The following MN1 variants were observed in gnomAD, a reference collection of about 807,000 sequenced individuals.
MN1 encodes the protein MN1 proto-oncogene, transcriptional regulator, also known as transcriptional activator MN1.
In MN1, 19 loss-of-function variants were observed where a neutral mutation model predicts 86.9. The observed-to-expected ratio is 0.22, with a 90% CI of 0.15 to 0.32. The LOEUF (loss-of-function observed/expected upper bound fraction) is 0.32, where lower values mean the gene tolerates loss of function less well. MN1 is among the 10% of genes least tolerant of loss of function. The pLI, the probability that MN1 is intolerant of heterozygous loss-of-function variation, is 1.00. For synonymous variants in MN1, 928 were observed against 849.6 expected (o/e 1.09, Z -1.60); for missense variants, 1,841 against 1,862.0 (o/e 0.99, Z 0.21).
At chr22:27,795,065 G>C (rs553448477) in intron 1 of MN1, among the ~76,000 whole-genome samples, 232 of 145,872 alleles carry the variant, frequency 1.6e-3, no homozygotes, top group Non-Finnish European at 2.8e-3. Context: ...TTTTAAAAAG[G>C]GGGGGAAAAA....
intron 1 of MN1, among the ~76,000 whole-genome samples, chr22:27,775,396 C>T (rs1337950244): frequency 6.6e-6 from 1 of 152,158 alleles, no homozygotes; most frequent in African/African-American, 2.4e-5. Context: ...AGATGGGCCT[C>T]GCGTCCACTC....
Position 27,799,579 on chromosome 22 carries a change from T to G in MN1, c.965A>C (p.Lys322Thr), listed in dbSNP as rs776797040. ...VFFERFSGAR[K>T]MPVGLEPSVG... ...TGAGGGCTCCAGACCCACAGGCATC[T>G]TTCTGGCCCCACTGAACCTCTCAAA... is the stretch of plus-strand genomic sequence containing the variant. Residue 322 changes from lysine (K) to threonine (T), a missense_variant, in exon 1 of 2, where the codon AAG becomes ACG. Lys to Thr is a moderately conservative substitution (Grantham distance 78). Coordinates refer to ENST00000302326, the MANE Select transcript of MN1 (RefSeq NM_002430.3). 1.5e-5 allele frequency: 22 copies of G among 1,507,124 alleles called. No individual in the cohort carries two copies. The highest frequency in any genetic ancestry group is 1.9e-5 in the Non-Finnish European group (21 of 1,125,328). 93.4% of individuals were successfully genotyped at this position (1,507,124 alleles called of 1,614,324 possible).
chr22:27,749,523 C>G lies in MN1; in HGVS notation c.*1392G>C. 1 of 232,468 alleles carries G rather than the reference C, an allele frequency of 4.3e-6. No individual in the cohort carries two copies. The highest frequency in any genetic ancestry group is 1.8e-4 in the South Asian group (1 of 5,522). The allele number at this position is 232,468 out of a possible 1,614,324, so 14.4% of individuals were successfully genotyped here. A position where few individuals can be genotyped will look rare whatever the true frequency, so the allele number is the denominator to read the frequency against. ...ATGGCTTTTGCAGGCATCAGCAGCACCCAAAGTTGCCTGCCCCTGCCAACC... is the reference window on the plus strand; with the variant it reads ...ATGGCTTTTGCAGGCATCAGCAGCAGCCAAAGTTGCCTGCCCCTGCCAACC... On this transcript the variant is annotated 3_prime_UTR_variant, in exon 2 of 2. Transcript: ENST00000302326.
chr22:27,796,085 A>G (rs1933289753), intron 1 of MN1, among the ~76,000 whole-genome samples: 1 of 152,074 alleles, frequency 6.6e-6, no homozygotes, highest in Non-Finnish European at 1.5e-5. Context: ...CCAAATGTCA[A>G]GGGGATGCGC....
chr22:27,800,648 C>CGCTCAGCACCGCGGGG lies in MN1; in HGVS notation c.-121_-106dup. 6.5e-7 allele frequency: 1 copy of CGCTCAGCACCGCGGGG among 1,535,060 alleles called. No homozygotes were observed. The highest frequency in any genetic ancestry group is 8.8e-7 in the Non-Finnish European group (1 of 1,140,490). ...CAGCCCAGGATTGGGCGCTCCGGGA[C>CGCTCAGCACCGCGGGG]GCTCAGCACCGCGGGGGCTCAGCGC... On this transcript the variant is annotated 5_prime_UTR_variant, in exon 1 of 2. Transcript: ENST00000302326.
rs1043351855 is a variant in MN1, at chr22:27,798,266, C to A, written c.2278G>T (p.Gly760Cys). ...AAGRQSTPHS[G>C]PGVNSPPSAG... is the part of the protein sequence containing the mutation. ...CTGGGGGGCGAGTTCACGCCTGGAC[C>A]GCTGTGCGGCGTGGACTGCCGGCCG... Residue 760 changes from glycine to cysteine, a missense_variant, in exon 1 of 2, where the codon GGT (glycine) becomes TGT (cysteine). Transcript: ENST00000302326. 4 of 1,525,982 alleles carry A rather than the reference C, an allele frequency of 2.6e-6. No homozygotes were observed. In the South Asian group the frequency reaches 4.9e-5, roughly 19 times the overall value. 94.5% of individuals were successfully genotyped at this position (1,525,982 alleles called of 1,614,324 possible). A position where few individuals can be genotyped will look rare whatever the true frequency, so the allele number is the denominator to read the frequency against.
Position 27,797,923 on chromosome 22 carries a change from G to A in MN1, c.2621C>T (p.Pro874Leu). Residue 874 changes from proline to leucine, a missense_variant, in exon 1 of 2, where the codon CCG (proline) becomes CTG (leucine). Physicochemically the swap from Pro to Leu is moderately conservative, Grantham distance 98. Coordinates refer to ENST00000302326, the MANE Select transcript of MN1 (RefSeq NM_002430.3). ...ETDGAAVAGNPGSDYFPGGTA... is the reference protein window; with the variant it reads ...ETDGAAVAGNLGSDYFPGGTA... ...CCCTCCTGGGAAGTAATCCGAGCCCGGGTTGCCGGCCACTGCCGCGCCGTC... is the reference window on the plus strand; with the variant it reads ...CCCTCCTGGGAAGTAATCCGAGCCCAGGTTGCCGGCCACTGCCGCGCCGTC... 6.2e-7 allele frequency: 1 copy of A among 1,600,772 alleles called. No individual in the cohort carries two copies. The highest frequency in any genetic ancestry group is 8.5e-7 in the Non-Finnish European group (1 of 1,173,218).
At chr22:27,768,177 T>C (rs1932884982) in intron 1 of MN1, among the ~76,000 whole-genome samples, 1 of 152,120 alleles carries the variant, frequency 6.6e-6, no homozygotes, top group Admixed American at 6.5e-5. Context: ...TCATCCTGCC[T>C]TCCCCTTTGG....
chr22:27,765,146 AGT>A (rs1932859806), intron 1 of MN1, among the ~76,000 whole-genome samples: 1 of 152,212 alleles, frequency 6.6e-6, no homozygotes, highest in Admixed American at 6.5e-5. Flanking sequence ...TTGCAGAGAA[AGT>A]GTGCTGACCC....
chr22:27,754,235 T>C (rs1260523770), intron 1 of MN1, among the ~76,000 whole-genome samples: 4 of 152,196 alleles, frequency 2.6e-5, no homozygotes, highest in Non-Finnish European at 5.9e-5. Flanking sequence ...GACGCTTTCA[T>C]CCCCAAGTTA....
chr22:27,798,273 C>A lies in MN1; in HGVS notation c.2271G>T (p.Pro757=). The change falls in exon 1 of 2, where the codon CCG becomes CCT. Residue 757 remains proline, a synonymous_variant. Transcript: ENST00000302326. ...GCGAGTTCACGCCTGGACCGCTGTG[C>A]GGCGTGGACTGCCGGCCGGCTGCAC... The part of the protein sequence containing the change: ...PFGAAGRQST[P]HSGPGVNSPP... 1.3e-6 allele frequency: 2 copies of A among 1,526,678 alleles called. No homozygotes were observed. The highest frequency in any genetic ancestry group is 1.2e-5 in the South Asian group (1 of 82,536). The allele number at this position is 1,526,678 out of a possible 1,614,324, so 94.6% of individuals were successfully genotyped here.
Position 27,798,090 on chromosome 22 carries a change from G to C in MN1, c.2454C>G (p.Asn818Lys), listed in dbSNP as rs1255170657. ...CAGCCAGGCAGCTCTGGCCGAACAG[G>C]TTGTCCTTGGAGCTGGGCTTGTTGA... ...GSFNKPSSKD[N>K]LFGQSCLAAL... The change falls in exon 1 of 2, where the codon AAC becomes AAG. Residue 818 changes from asparagine to lysine, a missense_variant. Coordinates refer to ENST00000302326, the MANE Select transcript of MN1 (RefSeq NM_002430.3). 1.9e-6 allele frequency: 3 copies of C among 1,611,320 alleles called. No homozygotes were observed. The Admixed American group carries it at 5.0e-5, about 27-fold the overall frequency.
intron 1 of MN1, among the ~76,000 whole-genome samples, chr22:27,770,955 C>T (rs976656574): frequency 2.0e-5 from 3 of 152,004 alleles, no homozygotes; most frequent in African/African-American, 4.8e-5. Flanking sequence ...CCACCACATC[C>T]AGCCCATTTT....
chr22:27,772,141 G>C (rs1932922703), intron 1 of MN1, among the ~76,000 whole-genome samples: 1 of 152,210 alleles, frequency 6.6e-6, no homozygotes, highest in East Asian at 1.9e-4. Flanking sequence ...AGAAATCGCT[G>C]CTGTGGGTTT....
At chr22:27,771,886 AG>A (rs1932919975) in intron 1 of MN1, among the ~76,000 whole-genome samples, 1 of 152,210 alleles carries the variant, frequency 6.6e-6, no homozygotes, top group Non-Finnish European at 1.5e-5. Flanking sequence ...GCTGGTGGGA[AG>A]TGTTGCTGGG....
intron 1 of MN1, among the ~76,000 whole-genome samples, chr22:27,780,914 C>G (rs757944985): frequency 1.3e-5 from 2 of 151,522 alleles, no homozygotes; most frequent in Admixed American, 6.6e-5. Flanking sequence ...ATAGACTATA[C>G]TGCCTAGAAA....
chr22:27,749,648 G>A lies in MN1; in HGVS notation c.*1267C>T, dbSNP rs1371248539. 1 of 231,856 alleles carries A rather than the reference G, an allele frequency of 4.3e-6. No individual in the cohort carries two copies. Among genetic ancestry groups the A allele is most frequent in the African/African-American group, 2.2e-5 (1 of 45,262 alleles). The allele number at this position is 231,856 out of a possible 1,614,324, so 14.4% of individuals were successfully genotyped here. ...GAGATTCCAAAAAAATGTTGGGGAG[G>A]GGGCAGAGGAATTCCAGAGTTCAAA... On this transcript the variant is annotated 3_prime_UTR_variant, in exon 2 of 2. Transcript: ENST00000302326.
chr22:27,768,980 A>G (rs1315829662), intron 1 of MN1, among the ~76,000 whole-genome samples: 1 of 152,128 alleles, frequency 6.6e-6, no homozygotes, highest in Non-Finnish European at 1.5e-5. Context: ...AAAATAATCT[A>G]CAAAGTCTCT....
At chr22:27,774,025 C>T (rs746051019) in intron 1 of MN1, among the ~76,000 whole-genome samples, 1 of 152,160 alleles carries the variant, frequency 6.6e-6, no homozygotes, top group Non-Finnish European at 1.5e-5. Flanking sequence ...GGCTCAGGGG[C>T]AGACACAGAG....
Sources: gnomAD v4.1 joint callset for allele counts (sites outside exome capture counted in the v4.1 genomes callset) on GRCh38, gnomAD v4.1.1 for gene constraint, MANE v1.5 for transcripts, NCBI Gene and HGNC (gene_info 2026-07-23, HGNC 2026-07-21) for gene names.